The following NPHS1 variants were observed in gnomAD, a reference collection of about 807,000 sequenced individuals.
NPHS1 encodes the protein NPHS1 adhesion molecule, nephrin.
Under a neutral mutation model 139.7 loss-of-function variants are expected in NPHS1, and 107 were observed. That is an observed-to-expected ratio of 0.77 (90% CI 0.66 to 0.90). NPHS1 has a LOEUF of 0.90. Among genes scored for constraint, NPHS1 ranks in the 40% least tolerant of loss-of-function variants. NPHS1 has a pLI of 0.00. For synonymous variants in NPHS1, 707 were observed against 706.6 expected (o/e 1.00, Z -0.01); for missense variants, 1,580 against 1,654.2 (o/e 0.96, Z 0.78).
chr19:35,831,910 G>A (rs1972891285), intron 23 of NPHS1, 148 bp from the exon 24 acceptor site: 3 of 810,696 alleles, frequency 3.7e-6, no homozygotes, highest in Non-Finnish European at 5.8e-6. Flanking sequence ...CACCCTTTCT[G>A]CCCACCCAAG....
chr19:35,836,343 G>A (rs1204734036), intron 22 of NPHS1, among the ~76,000 whole-genome samples: 1 of 149,784 alleles, frequency 6.7e-6, no homozygotes, highest in Non-Finnish European at 1.5e-5. Flanking sequence ...CTGCAGCCTC[G>A]ACCTCCTGGG....
intron 17 of NPHS1, among the ~76,000 whole-genome samples, chr19:35,842,760 A>C (rs985275106): frequency 6.6e-6 from 1 of 151,886 alleles, no homozygotes; most frequent in Non-Finnish European, 1.5e-5. Context: ...CCATCCATTC[A>C]CCCAACCACT....
chr19:35,842,491 C>T lies in NPHS1; in HGVS notation c.2394G>A (p.Thr798=), dbSNP rs745911246. Residue 798 remains threonine, a synonymous_variant, in exon 18 of 29, where the codon ACG becomes ACA. Transcript: ENST00000378910. ...DDMEKISRGP[T]GRLRIHHAKL... The stretch of plus-strand genomic sequence containing the variant: ...TGGCATGGTGAATCCGCAGGCGCCC[C>T]GTTGGTCCCCTGGATATCTTCTCCA... The T allele has an allele frequency of 1.5e-5, 24 of 1,614,028 alleles. 1 individual carries two copies. The highest frequency in any genetic ancestry group is 3.3e-4 in the Middle Eastern group (2 of 6,084).
At chr19:35,850,486 G>A (rs367708212) in intron 4 of NPHS1, 41 bp from the exon 5 acceptor site, 81 of 1,534,134 alleles carry the variant, frequency 5.3e-5, no homozygotes, top group Admixed American at 1.8e-4. Context: ...CAGGCTCCCC[G>A]CAAGATAGAT....
chr19:35,833,051 ATT>A (rs58221236), intron 23 of NPHS1, among the ~76,000 whole-genome samples: 135 of 142,226 alleles, frequency 9.5e-4, no homozygotes, highest in East Asian at 1.1e-3. Flanking sequence ...CACCCGGCTA[ATT>A]TTTTTTTTTT....
At position 35,848,142 on chromosome 19, in the gene NPHS1, C is replaced by G; in HGVS notation, c.1339G>C (p.Glu447Gln). 6.2e-7 allele frequency: 1 copy of G among 1,614,068 alleles called. No individual in the cohort carries two copies. The highest frequency in any genetic ancestry group is 8.5e-7 in the Non-Finnish European group (1 of 1,180,022). The change falls in exon 11 of 29, where the codon GAG becomes CAG. Residue 447 changes from glutamate (E) to glutamine (Q), a missense_variant. Glu to Gln is a conservative substitution (Grantham distance 29). Coordinates refer to ENST00000378910, the MANE Select transcript of NPHS1 (RefSeq NM_004646.4). ...VKYPAQKLWI[E>Q]GPPEGQKLRA... ...AGCTTCTGGCCCTCTGGGGGACCCT[C>G]AATCCACAGTTTCTGGGCGGGATCT...
rs776316800 is a variant in NPHS1, at chr19:35,831,759, G to T, written c.3170C>A (p.Pro1057His). ...DQLPTEPPSGPSGLPLLPVLF... is the reference protein window; with the variant it reads ...DQLPTEPPSGHSGLPLLPVLF... ...CACAGGCAGCAGGGGCAGCCCCGAGGGTCCTAGGGGTGGAAGATACCCCTC... is the reference window on the plus strand; with the variant it reads ...CACAGGCAGCAGGGGCAGCCCCGAGTGTCCTAGGGGTGGAAGATACCCCTC... Residue 1057 changes from proline to histidine, a missense_variant, in exon 24 of 29, where the codon CCC (proline) becomes CAC (histidine). Transcript: ENST00000378910. The T allele has an allele frequency of 2.6e-6, 4 of 1,565,582 alleles. No homozygotes were observed. Among genetic ancestry groups the T allele is most frequent in the African/African-American group, 1.4e-5 (1 of 73,502 alleles).
chr19:35,851,978 G>A lies in NPHS1; in HGVS notation c.-141C>T, dbSNP rs549585186. ...TTTCCGTTACTCTCCTCCCTTTCTC[G>A]TTTTCCTCTTCCCCTCTTCCCTGTG... On this transcript the variant is annotated 5_prime_UTR_variant, in exon 1 of 29. In the 5' UTR this introduces an upstream ATG that the reference lacks. Coordinates refer to ENST00000378910, the MANE Select transcript of NPHS1 (RefSeq NM_004646.4). 29 of 723,974 alleles carry A rather than the reference G, an allele frequency of 4.0e-5. No homozygotes were observed. The highest frequency in any genetic ancestry group is 5.3e-5 in the African/African-American group (3 of 56,680). The allele number at this position is 723,974 out of a possible 1,614,324, so 44.8% of individuals were successfully genotyped here.
In NPHS1 at chr19:35,831,369, G is replaced by T; in HGVS notation, c.3314C>A (p.Ser1105Ter). Residue 1105 changes from serine (S) to a stop codon, truncating the protein, a stop_gained and splice_region_variant, in exon 26 of 29, where the codon TCG (serine) becomes TAG (stop). Coordinates refer to ENST00000378910, the MANE Select transcript of NPHS1 (RefSeq NM_004646.4). LOFTEE classifies it high-confidence loss of function. ...TTCGTTCCTGACTCGGTCCTCTTCCGACCTTCCAGGATGAAGGTGTGGGGG... is the reference window on the plus strand; with the variant it reads ...TTCGTTCCTGACTCGGTCCTCTTCCTACCTTCCAGGATGAAGGTGTGGGGG... ...EGISEKTEAG[S>*]EEDRVRNEYE... 1 of 1,613,898 alleles carries T rather than the reference G, an allele frequency of 6.2e-7. No individual in the cohort carries two copies. Among genetic ancestry groups the T allele is most frequent in the Non-Finnish European group, 8.5e-7 (1 of 1,179,948 alleles).
intron 23 of NPHS1, among the ~76,000 whole-genome samples, chr19:35,835,307 T>C (rs1972942859): frequency 7.1e-6 from 1 of 141,808 alleles, no homozygotes; most frequent in Non-Finnish European, 1.5e-5. Context: ...TTTTTTTTTT[T>C]TTTTTTTTTT....
chr19:35,844,068 G>A, intron 16 of NPHS1, 35 bp downstream of exon 16: 2 of 1,601,720 alleles, frequency 1.2e-6, no homozygotes, highest in South Asian at 1.1e-5. Flanking sequence ...AAGGTTCCTT[G>A]GGTGGGTGTG....
rs755263883 is a variant in NPHS1 at position 35,830,839 on chromosome 19, C to T, written c.3594+5G>A. The T allele has an allele frequency of 2.6e-6, 4 of 1,557,840 alleles. No homozygotes were observed. The highest frequency in any genetic ancestry group is 1.4e-5 in the African/African-American group (1 of 73,802). ...AAGGATGGTTGCTGATGCAAAGCTT[C>T]TCACCATCTGCACTTCATCGTAGAG... On this transcript the variant is annotated splice_donor_5th_base_variant and intron_variant, in intron 28 of 28. Coordinates refer to ENST00000378910, the MANE Select transcript of NPHS1 (RefSeq NM_004646.4).
Position 35,851,843 on chromosome 19 carries a change from GT to G in NPHS1, c.-7del. The G allele has an allele frequency of 6.4e-7, 1 of 1,550,658 alleles. No individual in the cohort carries two copies. Among genetic ancestry groups the G allele is most frequent in the Non-Finnish European group, 8.7e-7 (1 of 1,146,742 alleles). On this transcript the variant is annotated 5_prime_UTR_variant, in exon 1 of 29. Transcript: ENST00000378910. ...AGCGTCGTCCCCAGGGCCATCACAG[GT>G]CCCCCTACTGTGACCCCCACAGCGC...
At chr19:35,832,448 G>A (rs1972897076) in intron 23 of NPHS1, among the ~76,000 whole-genome samples, 1 of 152,056 alleles carries the variant, frequency 6.6e-6, no homozygotes, top group African/African-American at 2.4e-5. Flanking sequence ...GGACACTGAA[G>A]CAAGAGGATT....
chr19:35,840,689 A>AT (rs533775109), intron 20 of NPHS1, among the ~76,000 whole-genome samples: 7,715 of 116,886 alleles, frequency 0.066, 582 homozygotes, highest in African/African-American at 0.17. Flanking sequence ...TCAATACATG[A>AT]TTTTTTTTTT....
At position 35,848,260 on chromosome 19, in the gene NPHS1, G is replaced by C; in HGVS notation, c.1308C>G (p.Asn436Lys). 5 of 1,614,110 alleles carry C rather than the reference G, an allele frequency of 3.1e-6. No individual in the cohort carries two copies. Among genetic ancestry groups the C allele is most frequent in the Non-Finnish European group, 4.2e-6 (5 of 1,180,018 alleles). Residue 436 changes from asparagine to lysine, a missense_variant, in exon 10 of 29, where the codon AAC (asparagine) becomes AAG (lysine). Transcript: ENST00000378910. ...GCCAGGGCAGGGGCTCACATTTTAC[G>C]TTCAGGATGAGCGACTTCTTGAAGG... Reference protein sequence around the residue: ...KETFKKSLILNVKYPAQKLWI... With the variant: ...KETFKKSLILKVKYPAQKLWI...
chr19:35,846,905 TCTC>T (rs1973150837), intron 11 of NPHS1, among the ~76,000 whole-genome samples: 1 of 152,228 alleles, frequency 6.6e-6, no homozygotes, highest in South Asian at 2.1e-4. Context: ...TTCCCAGGAT[TCTC>T]CTAGAATTCT....
rs143278868 is a variant in NPHS1, at chr19:35,845,261, AAG to A, written c.1930+105_1930+106del. On this transcript the variant is annotated intron_variant, in intron 14 of 28. Transcript: ENST00000378910. The surrounding 1 kb of genome is among the most constrained non-coding windows in gnomAD (Gnocchi z 5.5). ...TTGCAGCCTGAGCGACAAAAAATGAAAGAGAGAGAGAGAGAGAAGAGAAAAAG... is the reference window on the plus strand; with the variant it reads ...TTGCAGCCTGAGCGACAAAAAATGAAAGAGAGAGAGAGAGAAGAGAAAAAG... 5,734 of 1,192,098 alleles carry A rather than the reference AAG, an allele frequency of 4.8e-3. No homozygotes were observed. Among genetic ancestry groups the A allele is most frequent in the Non-Finnish European group, 5.9e-3 (4,903 of 836,646 alleles). 73.8% of individuals were successfully genotyped at this position (1,192,098 alleles called of 1,614,324 possible).
Position 35,826,573 on chromosome 19 carries a change from C to G in NPHS1, c.3667G>C (p.Asp1223His). The change falls in exon 29 of 29, where the codon GAC becomes CAC. Residue 1223 changes from aspartate (D) to histidine (H), a missense_variant. By Grantham distance (81) the Asp-to-His change is moderately conservative. Transcript: ENST00000378910. ...PRGIYDQVAG[D>H]LDTLEPDSLP... ...GAATCGGGTTCCAGAGTGTCCAAGT[C>G]TCCGGCCACCTGGTCATAGATTCCT... 1 of 1,613,998 alleles carries G rather than the reference C, an allele frequency of 6.2e-7. No individual in the cohort carries two copies. Among genetic ancestry groups the G allele is most frequent in the South Asian group, 1.1e-5 (1 of 91,072 alleles).
Sources: gnomAD v4.1 joint callset for allele counts (sites outside exome capture counted in the v4.1 genomes callset) on GRCh38, gnomAD v4.1.1 for gene constraint, Gnocchi (gnomAD v3.1) non-coding constraint, MANE v1.5 for transcripts, NCBI Gene and HGNC (gene_info 2026-07-23, HGNC 2026-07-21) for gene names.